SLC8A2: variants seen among roughly 807,000 people sequenced by gnomAD.
SLC8A2 encodes solute carrier family 8 member A2, also known as sodium/calcium exchanger 2.
SLC8A2 carries 14 observed loss-of-function variants against 70.2 expected under a neutral mutation model. That is an observed-to-expected ratio of 0.20 (90% CI 0.13 to 0.31). The LOEUF is 0.31. SLC8A2 is among the 10% of genes least tolerant of loss of function. The probability of loss-of-function intolerance (pLI) is 1.00; values close to 1 mark genes in which losing one functional copy is unlikely to be tolerated. For synonymous variants in SLC8A2, 575 were observed against 594.3 expected (o/e 0.97, Z 0.47); for missense variants, 779 against 1,320.1 (o/e 0.59, Z 6.35).
rs1967454821 is a variant in SLC8A2, at chr19:47,466,116, G to A, written c.288C>T (p.Ala96=). The A allele has an allele frequency of 1.9e-6, 3 of 1,614,224 alleles. No homozygotes were observed. ...TCTCTTTTGACGTGATGACCTCGAT[G>A]GCCGCCATGAAACGGTCGGCGATGA... ...VSIIADRFMA[A]IEVITSKEKE... The change falls in exon 2 of 10, where the codon GCC becomes GCT. Residue 96 remains alanine (A), a synonymous_variant. Transcript: ENST00000236877. The surrounding 1 kb of genome is among the most constrained non-coding windows in gnomAD (Gnocchi z 6.9).
At chr19:47,455,075 G>A (rs186065819) in intron 3 of SLC8A2, among the ~76,000 whole-genome samples, 161 of 152,138 alleles carry the variant, frequency 1.1e-3, no homozygotes, top group Middle Eastern at 6.8e-3. Flanking sequence ...CAACAAGTGC[G>A]AAACTCTGAG....
Position 47,430,113 on chromosome 19 carries a change from C to G in SLC8A2, c.2742G>C (p.Ala914=). ...CCTAGAAGCCCCGGATGTGGCAGTA[C>G]GCCTCCAGGCTGGCGAAGAGGATGT... ...LLYILFASLE[A]YCHIRGF The change falls in exon 10 of 10, where the codon GCG becomes GCC. Residue 914 remains alanine, a synonymous_variant. Coordinates refer to ENST00000236877, the MANE Select transcript of SLC8A2 (RefSeq NM_015063.3). The surrounding 1 kb of genome is among the most constrained non-coding windows in gnomAD (Gnocchi z 5.9). 1 of 1,589,858 alleles carries G rather than the reference C, an allele frequency of 6.3e-7. No individual in the cohort carries two copies. Among genetic ancestry groups the G allele is most frequent in the Non-Finnish European group, 8.6e-7 (1 of 1,167,934 alleles).
At position 47,430,085 on chromosome 19, in the gene SLC8A2, G is replaced by A; in HGVS notation, c.*4C>T. On this transcript the variant is annotated 3_prime_UTR_variant, in exon 10 of 10. Coordinates refer to ENST00000236877, the MANE Select transcript of SLC8A2 (RefSeq NM_015063.3). The surrounding 1 kb of genome is among the most constrained non-coding windows in gnomAD (Gnocchi z 5.9). ...GCGGTGGGGACGAGTCTCTGCGCGA[G>A]GCCCTAGAAGCCCCGGATGTGGCAG... The A allele has an allele frequency of 6.3e-7, 1 of 1,578,988 alleles. No individual in the cohort carries two copies. Among genetic ancestry groups the A allele is most frequent in the East Asian group, 2.3e-5 (1 of 43,250 alleles).
At chr19:47,433,592 T>G (rs987779938) in intron 8 of SLC8A2, among the ~76,000 whole-genome samples, 2 of 152,132 alleles carry the variant, frequency 1.3e-5, no homozygotes, top group Non-Finnish European at 1.5e-5. Flanking sequence ...AAATGATGCC[T>G]CATGCTTAGA....
At position 47,457,108 on chromosome 19, in the gene SLC8A2, C is replaced by A. The variant is rs1967314985; in HGVS notation, c.1162G>T (p.Asp388Tyr). Residue 388 changes from aspartate (D) to tyrosine (Y), a missense_variant, in exon 3 of 10, where the codon GAC (aspartate) becomes TAC (tyrosine). Transcript: ENST00000236877. ...ATGCGGCTGGCGCCGTCGTCTTCGT[C>A]CTCGCCCGCGCCCTCGGCCGGCGCC... ...RAAPAEGAGE[D>Y]EDDGASRIFF... 6.4e-7 allele frequency: 1 copy of A among 1,554,644 alleles called. No individual in the cohort carries two copies. The highest frequency in any genetic ancestry group is 1.4e-5 in the African/African-American group (1 of 73,148).
rs771570820 is a variant in SLC8A2, at chr19:47,432,096, G to A, written c.2389+71C>T. On this transcript the variant is annotated intron_variant, in intron 9 of 9. Coordinates refer to ENST00000236877, the MANE Select transcript of SLC8A2 (RefSeq NM_015063.3). This position sits in a 1 kb window ranked among gnomAD's most constrained non-coding sequence, Gnocchi z 6.2. ...TGTGTGACTCCACCCACCTCATTTT[G>A]GCAGGATCCTGTGTTGCCCCTGCCT... 36 of 1,430,752 alleles carry A rather than the reference G, an allele frequency of 2.5e-5. No individual in the cohort carries two copies. Among genetic ancestry groups the A allele is most frequent in the Non-Finnish European group, 3.1e-5 (33 of 1,052,384 alleles). 88.6% of individuals were successfully genotyped at this position (1,430,752 alleles called of 1,614,324 possible).
chr19:47,439,128 C>T (rs1317065702), intron 6 of SLC8A2, among the ~76,000 whole-genome samples: 3 of 152,206 alleles, frequency 2.0e-5, no homozygotes, highest in Non-Finnish European at 4.4e-5. Context: ...TCACCAGCAG[C>T]AAACCCAGCC....
At chr19:47,450,773 G>T (rs1967224477) in intron 3 of SLC8A2, among the ~76,000 whole-genome samples, 1 of 152,108 alleles carries the variant, frequency 6.6e-6, no homozygotes, top group Admixed American at 6.6e-5. Context: ...TCAGGATTCT[G>T]CAGTCCTCTG....
chr19:47,463,989 TC>T (rs1283598347), intron 2 of SLC8A2, among the ~76,000 whole-genome samples: 1 of 152,176 alleles, frequency 6.6e-6, no homozygotes, highest in Non-Finnish European at 1.5e-5. Context: ...TGAACCCAAA[TC>T]TCTGGCTTCA....
chr19:47,463,255 C>T (rs1383843623), intron 2 of SLC8A2, among the ~76,000 whole-genome samples: 1 of 146,820 alleles, frequency 6.8e-6, no homozygotes, highest in Non-Finnish European at 1.5e-5. Flanking sequence ...GCCTCAGCCT[C>T]CCGAGTAGCT....
At chr19:47,438,427 C>T (rs1292177356) in intron 6 of SLC8A2, among the ~76,000 whole-genome samples, 2 of 152,098 alleles carry the variant, frequency 1.3e-5, no homozygotes, top group African/African-American at 4.8e-5. Context: ...CGTTGCCACC[C>T]TGATAGGGGA....
At chr19:47,437,669 C>CT in intron 7 of SLC8A2, 108 bp from the exon 8 acceptor site, 1 of 1,157,674 alleles carries the variant, frequency 8.6e-7, no homozygotes, top group Non-Finnish European at 1.3e-6. Flanking sequence ...GGGTCCTCAA[C>CT]TTTCCACACC....
rs1599841588 is a variant in SLC8A2, at chr19:47,429,851, T to A, written c.*238A>T. The A allele has an allele frequency of 1.8e-6, 1 of 564,864 alleles. No individual in the cohort carries two copies. Among genetic ancestry groups the A allele is most frequent in the Non-Finnish European group, 3.1e-6 (1 of 324,640 alleles). The allele number at this position is 564,864 out of a possible 1,614,324, so 35.0% of individuals were successfully genotyped here. On this transcript the variant is annotated 3_prime_UTR_variant, in exon 10 of 10. Transcript: ENST00000236877. ...ATAGACGGTCACCAACAGGATGGGC[T>A]GGAGTTGGGGTCACCGCAGGGGAGG...
chr19:47,458,910 C>T (rs1371692574), intron 2 of SLC8A2, among the ~76,000 whole-genome samples: 1 of 148,620 alleles, frequency 6.7e-6, no homozygotes, highest in Non-Finnish European at 1.5e-5. Flanking sequence ...TCTCTCCTTT[C>T]TCCCACCCCT....
chr19:47,429,904 G>A lies in SLC8A2; in HGVS notation c.*185C>T. ...CCGGGGAGGCTCCCGAGAGGAAGAG[G>A]GAAGGCTGAGCTACTGGGGACACAG... On this transcript the variant is annotated 3_prime_UTR_variant, in exon 10 of 10. Coordinates refer to ENST00000236877, the MANE Select transcript of SLC8A2 (RefSeq NM_015063.3). 1.6e-6 allele frequency: 1 copy of A among 623,754 alleles called. No homozygotes were observed. The highest frequency in any genetic ancestry group is 2.0e-5 in the South Asian group (1 of 49,940). The allele number at this position is 623,754 out of a possible 1,614,324, so 38.6% of individuals were successfully genotyped here.
intron 2 of SLC8A2, 78 bp from the exon 3 acceptor site, chr19:47,457,672 G>GCCTCTGCCACT: frequency 1.0e-6 from 1 of 960,428 alleles, no homozygotes; most frequent in Admixed American, 3.1e-5. Flanking sequence ...GTCTCTGTCC[G>GCCTCTGCCACT]CCTCTGCCAC....
chr19:47,467,812 G>A (rs974658111), intron 1 of SLC8A2, among the ~76,000 whole-genome samples: 3 of 109,198 alleles, frequency 2.7e-5, no homozygotes, highest in East Asian at 5.8e-4. Context: ...CCAACATGGT[G>A]AAACCCTGTC....
intron 6 of SLC8A2, among the ~76,000 whole-genome samples, chr19:47,438,222 A>T (rs1967056078): frequency 6.6e-6 from 1 of 152,064 alleles, no homozygotes; most frequent in Non-Finnish European, 1.5e-5. Flanking sequence ...GTGAGACTTT[A>T]GGCAATACCT....
intron 2 of SLC8A2, among the ~76,000 whole-genome samples, chr19:47,462,935 G>C (rs937419602): frequency 6.6e-6 from 1 of 152,072 alleles, no homozygotes; most frequent in Non-Finnish European, 1.5e-5. Flanking sequence ...TTAACATACT[G>C]CAAATACACT....
Sources: allele counts gnomAD v4.1 joint callset (sites outside exome capture counted in the v4.1 genomes callset), GRCh38; gene constraint gnomAD v4.1.1; non-coding constraint Gnocchi (gnomAD v3.1); transcripts MANE v1.5; gene names NCBI Gene and HGNC (gene_info 2026-07-23, HGNC 2026-07-21).